Variants in ZYG11B observed in about 807,000 individuals in gnomAD.
ZYG11B encodes protein zyg-11 homolog B.
ZYG11B carries 36 observed loss-of-function variants against 82.4 expected under a neutral mutation model. The ratio of observed to expected loss-of-function variants is 0.44; its 90% CI spans 0.33 to 0.58. The LOEUF (loss-of-function observed/expected upper bound fraction) is 0.58, where lower values mean the gene tolerates loss of function less well. Among genes scored for constraint, ZYG11B ranks in the 20% least tolerant of loss-of-function variants. The pLI is 0.02. For synonymous variants in ZYG11B, 303 were observed against 312.8 expected (o/e 0.97, Z 0.33); for missense variants, 552 against 895.6 (o/e 0.62, Z 4.90).
intron 2 of ZYG11B, among the ~76,000 whole-genome samples, chr1:52,765,906 C>T (rs963393054): frequency 5.9e-5 from 9 of 151,810 alleles, no homozygotes; most frequent in Non-Finnish European, 1.2e-4. Flanking sequence ...GGTTTTTTTC[C>T]CATTCTGTTC....
In ZYG11B at chr1:52,826,265, C is replaced by A. The variant is rs931852495; in HGVS notation, c.*4636C>A. ...TTGACACAGCTCCCAGAGAGGTTTG[C>A]AAACTTTTGGTTTCCCTCTCAAATC... is the stretch of plus-strand genomic sequence containing the variant. On this transcript the variant is annotated 3_prime_UTR_variant, in exon 14 of 14. Transcript: ENST00000294353. 5 of 152,144 alleles carry A rather than the reference C, an allele frequency of 3.3e-5. No individual in the cohort carries two copies. Among genetic ancestry groups the A allele is most frequent in the Admixed American group, 3.3e-4 (5 of 15,274 alleles). The allele number at this position is 152,144 out of a possible 1,614,324, so 9.4% of individuals were successfully genotyped here.
chr1:52,760,305 G>A (rs959142147), intron 2 of ZYG11B, among the ~76,000 whole-genome samples: 2 of 152,096 alleles, frequency 1.3e-5, no homozygotes, highest in Admixed American at 1.3e-4. Context: ...TTAGCCCGGC[G>A]TGGTGGCGGG....
At chr1:52,813,380 C>T (rs1645199765) in intron 10 of ZYG11B, among the ~76,000 whole-genome samples, 156 bp from the exon 11 acceptor site, 1 of 152,212 alleles carries the variant, frequency 6.6e-6, no homozygotes, top group South Asian at 2.1e-4. Flanking sequence ...ACCTTCATTG[C>T]AGTCTGTAAA....
chr1:52,754,286 AAGTGTTGG>A (rs1017805948), intron 1 of ZYG11B: 9 of 152,184 alleles, frequency 5.9e-5, no homozygotes, highest in African/African-American at 9.7e-5. Flanking sequence ...TGGCCTCCCA[AAGTGTTGG>A]GAGGCCACTG....
intron 4 of ZYG11B, among the ~76,000 whole-genome samples, chr1:52,783,893 C>CATGTGTGTGTGTGTACATAT (rs74193327): frequency 4.9e-5 from 4 of 81,970 alleles, no homozygotes; most frequent in South Asian, 4.1e-4. Context: ...TATGTACATA[C>CATGTGTGTGTGTGTACATAT]ACGTGTGTGT....
chr1:52,733,456 T>A (rs777311978), intron 1 of ZYG11B, among the ~76,000 whole-genome samples: 2 of 152,146 alleles, frequency 1.3e-5, no homozygotes, highest in Non-Finnish European at 2.9e-5. Flanking sequence ...GGTGGATTGC[T>A]TGAGCCCAGG....
intron 8 of ZYG11B, among the ~76,000 whole-genome samples, chr1:52,799,760 A>G (rs1229189576): frequency 6.6e-6 from 1 of 152,108 alleles, no homozygotes; most frequent in Non-Finnish European, 1.5e-5. Context: ...GGGCCACTGC[A>G]CTCCAGCCTG....
chr1:52,750,404 C>T (rs1644511173), intron 1 of ZYG11B, among the ~76,000 whole-genome samples: 1 of 152,038 alleles, frequency 6.6e-6, no homozygotes, highest in African/African-American at 2.4e-5. Context: ...TGCTGAATAG[C>T]TGGGATTACA....
At chr1:52,732,199 G>A (rs1044342457) in intron 1 of ZYG11B, among the ~76,000 whole-genome samples, 2 of 152,208 alleles carry the variant, frequency 1.3e-5, no homozygotes, top group African/African-American at 2.4e-5. Flanking sequence ...AAGGATGTGT[G>A]TAGGGGAATC....
chr1:52,756,904 A>G (rs1644582905), intron 2 of ZYG11B, among the ~76,000 whole-genome samples: 2 of 149,156 alleles, frequency 1.3e-5, no homozygotes, highest in African/African-American at 2.5e-5. Context: ...TGCAGTCTCA[A>G]CCTCCTGGGC....
rs1003665766 is a variant in ZYG11B, at chr1:52,823,976, C to T, written c.*2347C>T. 1 of 152,058 alleles carries T rather than the reference C, an allele frequency of 6.6e-6. No homozygotes were observed. The highest frequency in any genetic ancestry group is 2.4e-5 in the African/African-American group (1 of 41,400). The allele number at this position is 152,058 out of a possible 1,614,324, so 9.4% of individuals were successfully genotyped here. ...TGAAACCCCGTCTCTACTAAAAATACAAAAACTAGCTGGGCATGGTGGCTT... is the reference window on the plus strand; with the variant it reads ...TGAAACCCCGTCTCTACTAAAAATATAAAAACTAGCTGGGCATGGTGGCTT... On this transcript the variant is annotated 3_prime_UTR_variant, in exon 14 of 14. Transcript: ENST00000294353.
intron 1 of ZYG11B, among the ~76,000 whole-genome samples, chr1:52,740,328 C>CT (rs1644413395): frequency 6.6e-6 from 1 of 152,134 alleles, no homozygotes; most frequent in South Asian, 2.1e-4. Flanking sequence ...AGAACTCTAC[C>CT]TCCTTGCCCT....
Position 52,803,788 on chromosome 1 carries a change from A to G in ZYG11B, c.1695+1649A>G, listed in dbSNP as rs1645118972. Among the ~76,000 whole-genome samples the G allele has an allele frequency of 2.0e-5, 3 of 152,198 alleles. No homozygotes were observed. In the South Asian group the frequency reaches 6.2e-4, roughly 32 times the overall value. ...AGCTTATTTGTTTATTTATTTTTGT[A>G]GATTTGCAGTCTCACCATGTTGCCC... On this transcript the variant is annotated intron_variant, in intron 10 of 13. Transcript: ENST00000294353.
intron 1 of ZYG11B, 52 bp downstream of exon 1, chr1:52,726,735 G>A (rs1440356171): frequency 1.4e-6 from 2 of 1,421,716 alleles, no homozygotes; most frequent in Admixed American, 2.9e-5. Flanking sequence ...CCTAGCCCCC[G>A]CCCGTCGCGC....
In ZYG11B at chr1:52,766,452, AT is replaced by A. The variant is rs971042195; in HGVS notation, c.197-4561del. On this transcript the variant is annotated intron_variant, in intron 2 of 13. Coordinates refer to ENST00000294353, the MANE Select transcript of ZYG11B (RefSeq NM_024646.3). The stretch of plus-strand genomic sequence containing the variant: ...TGTTTACTTTTGAAAATTTAATTGC[AT>A]TTTTTTATGGCTCCTTTAAAATCGT... Among the ~76,000 whole-genome samples the A allele has an allele frequency of 5.3e-5, 8 of 151,556 alleles. No individual in the cohort carries two copies. The East Asian group carries it at 1.6e-3, about 29-fold the overall frequency.
chr1:52,760,153 G>A (rs116310585), intron 2 of ZYG11B, among the ~76,000 whole-genome samples: 3,702 of 152,110 alleles, frequency 0.024, 154 homozygotes, highest in African/African-American at 0.085. Flanking sequence ...TTTAAAATTG[G>A]TAATATCAGC....
At chr1:52,786,386 CTTTAAGTA>C (rs1335126688) in intron 5 of ZYG11B, among the ~76,000 whole-genome samples, 2 of 152,132 alleles carry the variant, frequency 1.3e-5, no homozygotes, top group East Asian at 3.8e-4. Context: ...AAATTGTACA[CTTTAAGTA>C]GGTGAATCGT....
At chr1:52,781,477 T>C (rs1449649067) in intron 4 of ZYG11B, among the ~76,000 whole-genome samples, 1 of 151,780 alleles carries the variant, frequency 6.6e-6, no homozygotes, top group Non-Finnish European at 1.5e-5. Context: ...CCAACCTGGG[T>C]GACAGGAGTG....
intron 1 of ZYG11B, among the ~76,000 whole-genome samples, chr1:52,731,423 C>G (rs1461732953): frequency 5.3e-5 from 8 of 152,116 alleles, no homozygotes; most frequent in Non-Finnish European, 1.2e-4. Flanking sequence ...TCCAAAAAAC[C>G]TAGGTCACTC....
Sources: gnomAD v4.1 joint callset for allele counts (sites outside exome capture counted in the v4.1 genomes callset) on GRCh38, gnomAD v4.1.1 for gene constraint, MANE v1.5 for transcripts, NCBI Gene and HGNC (gene_info 2026-07-23, HGNC 2026-07-21) for gene names.